The following ZNRF3 variants were observed in gnomAD, a reference collection of about 807,000 sequenced individuals.
The protein encoded by ZNRF3 is E3 ubiquitin-protein ligase ZNRF3.
A neutral mutation model predicts 72.5 loss-of-function variants in ZNRF3; 23 were observed. The observed-to-expected ratio is 0.32, with a 90% CI of 0.23 to 0.45. ZNRF3 has a LOEUF of 0.45. Among genes scored for constraint, ZNRF3 ranks in the 20% least tolerant of loss-of-function variants. The probability of loss-of-function intolerance (pLI) is 1.00; values close to 1 mark genes in which losing one functional copy is unlikely to be tolerated. For missense variants in ZNRF3, 1,169 were observed against 1,272.1 expected (o/e 0.92, Z 1.23); for synonymous variants, 610 against 545.3 (o/e 1.12, Z -1.65).
intron 6 of ZNRF3, 46 bp downstream of exon 6, chr22:29,046,929 G>A (rs778087089): frequency 3.5e-6 from 5 of 1,447,320 alleles, no homozygotes; most frequent in Admixed American, 2.3e-5. Flanking sequence ...AACATAGGCA[G>A]GTCAGCAGAG....
chr22:28,944,401 T>A (rs1226569798), intron 1 of ZNRF3, among the ~76,000 whole-genome samples: 2 of 152,034 alleles, frequency 1.3e-5, no homozygotes, highest in Non-Finnish European at 2.9e-5. Context: ...GGCGGGCGGA[T>A]CACGAGGTCA....
chr22:28,894,620 C>T (rs1435777258), intron 1 of ZNRF3, among the ~76,000 whole-genome samples: 1 of 152,120 alleles, frequency 6.6e-6, no homozygotes, highest in Non-Finnish European at 1.5e-5. Context: ...GGTTTCTGCC[C>T]TTCCTCTTTC....
At chr22:28,972,769 C>T (rs998165804) in intron 1 of ZNRF3, among the ~76,000 whole-genome samples, 24 of 152,174 alleles carry the variant, frequency 1.6e-4, no homozygotes, top group African/African-American at 5.5e-4. Context: ...CTAGCCAACA[C>T]TTGGTATGAC....
Position 29,050,901 on chromosome 22 carries a change from C to A in ZNRF3, c.2720C>A (p.Ala907Asp). 1 of 1,561,300 alleles carries A rather than the reference C, an allele frequency of 6.4e-7. No individual in the cohort carries two copies. Among genetic ancestry groups the A allele is most frequent in the South Asian group, 1.2e-5 (1 of 84,196 alleles). ...GCTGTCAGGGCCAACTTCCCTAGTG[C>A]CCTCCAGGACACTCAGGAGTCCAGC... Reference protein sequence around the residue: ...AGAVRANFPSALQDTQESSTT... With the variant: ...AGAVRANFPSDLQDTQESSTT... The change falls in exon 8 of 9, where the codon GCC (alanine) becomes GAC (aspartate). Residue 907 changes from alanine to aspartate, a missense_variant. Transcript: ENST00000544604.
At chr22:28,925,466 G>T (rs997171068) in intron 1 of ZNRF3, among the ~76,000 whole-genome samples, 4 of 152,080 alleles carry the variant, frequency 2.6e-5, no homozygotes. Flanking sequence ...CATGCACATT[G>T]AATTGTCTGT....
At chr22:29,053,353 C>G (rs1569300029) in intron 8 of ZNRF3, among the ~76,000 whole-genome samples, 3 of 152,222 alleles carry the variant, frequency 2.0e-5, no homozygotes, top group Admixed American at 1.3e-4. Context: ...TTCGTGCTAC[C>G]TGAGGGCTTC....
chr22:28,890,248 C>G (rs924671149), intron 1 of ZNRF3, among the ~76,000 whole-genome samples: 2 of 152,200 alleles, frequency 1.3e-5, no homozygotes, highest in African/African-American at 4.8e-5. Context: ...CGCCTGTAAT[C>G]CCAACACTTT....
chr22:28,935,640 C>T (rs1421822702), intron 1 of ZNRF3, among the ~76,000 whole-genome samples: 1 of 152,218 alleles, frequency 6.6e-6, no homozygotes, highest in Non-Finnish European at 1.5e-5. Flanking sequence ...TGGCCAGCCA[C>T]CTTGGATCAG....
intron 1 of ZNRF3, among the ~76,000 whole-genome samples, chr22:28,976,188 G>C (rs1487979423): frequency 6.6e-6 from 1 of 152,154 alleles, no homozygotes; most frequent in Admixed American, 6.5e-5. Flanking sequence ...AAATGAGGCA[G>C]AGGTTGCATT....
chr22:29,021,290 T>C (rs1266395740), intron 2 of ZNRF3, among the ~76,000 whole-genome samples: 1 of 152,046 alleles, frequency 6.6e-6, no homozygotes, highest in African/African-American at 2.4e-5. Context: ...CCAGTTTTAG[T>C]AGATAGCAGA....
At chr22:28,975,723 C>T (rs2035659522) in intron 1 of ZNRF3, among the ~76,000 whole-genome samples, 1 of 151,800 alleles carries the variant, frequency 6.6e-6, no homozygotes, top group South Asian at 2.1e-4. Flanking sequence ...GGCAACAGTG[C>T]AAGACTCTGT....
chr22:28,945,529 T>G (rs2035038426), intron 1 of ZNRF3, among the ~76,000 whole-genome samples: 1 of 151,570 alleles, frequency 6.6e-6, no homozygotes, highest in Non-Finnish European at 1.5e-5. Context: ...CGTCTCTATT[T>G]TTTTTTTTTT....
At position 29,046,811 on chromosome 22, in the gene ZNRF3, G is replaced by A. The variant is rs1849043972; in HGVS notation, c.840G>A (p.Gly280=). 6.2e-7 allele frequency: 1 copy of A among 1,611,474 alleles called. No individual in the cohort carries two copies. The highest frequency in any genetic ancestry group is 8.5e-7 in the Non-Finnish European group (1 of 1,178,830). The part of the protein sequence containing the change: ...KSKGRREGSC[G]ALDTLSSSST... ...AGGGGCGCCGGGAGGGGAGCTGTGG[G>A]GCCCTGGACACACTCAGCAGCAGCT... The change falls in exon 6 of 9, where the codon GGG becomes GGA. Residue 280 remains glycine, a synonymous_variant. Transcript: ENST00000544604.
chr22:28,884,443 C>G (rs982792643), intron 1 of ZNRF3, among the ~76,000 whole-genome samples: 1 of 152,210 alleles, frequency 6.6e-6, no homozygotes, highest in South Asian at 2.1e-4. Flanking sequence ...TGGGGTGGCT[C>G]GTTTCAGGTT....
At chr22:28,993,048 C>T (rs915396699) in intron 2 of ZNRF3, 2 of 152,230 alleles carry the variant, frequency 1.3e-5, no homozygotes, top group Non-Finnish European at 2.9e-5. Context: ...GGAAGAGGCT[C>T]TCAAGTGAAA....
intron 2 of ZNRF3, among the ~76,000 whole-genome samples, chr22:29,015,668 TAA>T (rs56728614): frequency 0.011 from 1,600 of 139,428 alleles, 18 homozygotes; most frequent in African/African-American, 0.032. Context: ...AGATTCTGTT[TAA>T]AAAAAAAAAA....
intron 1 of ZNRF3, among the ~76,000 whole-genome samples, chr22:28,889,665 G>T (rs1329323644): frequency 6.6e-6 from 1 of 152,184 alleles, no homozygotes; most frequent in Non-Finnish European, 1.5e-5. Flanking sequence ...GGCATCCATT[G>T]TCTATAATGA....
At chr22:28,894,343 T>A (rs896751844) in intron 1 of ZNRF3, among the ~76,000 whole-genome samples, 3 of 151,280 alleles carry the variant, frequency 2.0e-5, no homozygotes, top group African/African-American at 4.9e-5. Context: ...ACTGGCTTTT[T>A]TTTTTTTTTT....
At chr22:28,975,507 CAAAA>C (rs71316877) in intron 1 of ZNRF3, among the ~76,000 whole-genome samples, 1 of 47,886 alleles carries the variant, frequency 2.1e-5, no homozygotes, top group South Asian at 9.7e-4. Flanking sequence ...TACTCTGTCT[CAAAA>C]AAAAAAAAAA....
Sources: allele counts gnomAD v4.1 joint callset (sites outside exome capture counted in the v4.1 genomes callset), GRCh38; gene constraint gnomAD v4.1.1; transcripts MANE v1.5; gene names NCBI Gene and HGNC (gene_info 2026-07-23, HGNC 2026-07-21).